WDR18: variants seen among roughly 807,000 people sequenced by gnomAD.
The protein encoded by WDR18 is WD repeat domain 18, also known as WD repeat-containing protein 18.
Under a neutral mutation model 49.6 loss-of-function variants are expected in WDR18, and 33 were observed. That is an observed-to-expected ratio of 0.67 (90% confidence interval 0.50 to 0.89). WDR18 has a LOEUF of 0.89. WDR18 is among the 40% of genes least tolerant of loss of function. WDR18 has a pLI of 0.00. For synonymous variants in WDR18, 315 were observed against 263.6 expected (o/e 1.19, Z -1.89); for missense variants, 653 against 593.6 (o/e 1.10, Z -1.04).
chr19:986,253 G>A (rs1445284482), intron 2 of WDR18, among the ~76,000 whole-genome samples: 3 of 152,208 alleles, frequency 2.0e-5, no homozygotes, highest in South Asian at 4.1e-4. Flanking sequence ...CAGGGCTAGC[G>A]GGCATCTCTT....
chr19:991,334 G>T lies in WDR18; in HGVS notation c.914G>T (p.Arg305Leu). 1.9e-6 allele frequency: 3 copies of T among 1,555,714 alleles called. No individual in the cohort carries two copies. The highest frequency in any genetic ancestry group is 2.6e-6 in the Non-Finnish European group (3 of 1,150,056). ...LWDVQSKQCI[R>L]TVALKGPVTN... Reference sequence around the variant, plus strand: ...GACGTGCAGAGCAAGCAGTGCATCCGGACGGTGGCCCTCAAAGGTGGGCGC... The same window carrying T: ...GACGTGCAGAGCAAGCAGTGCATCCTGACGGTGGCCCTCAAAGGTGGGCGC... The change falls in exon 7 of 10, where the codon CGG becomes CTG. Residue 305 changes from arginine (R) to leucine (L), a missense_variant. By Grantham distance (102) the Arg-to-Leu change is moderately radical. Transcript: ENST00000585809.
Position 994,012 on chromosome 19 carries a change from T to G in WDR18, c.1099-8T>G, listed in dbSNP as rs1383733762. 8 of 1,551,886 alleles carry G rather than the reference T, an allele frequency of 5.2e-6. No homozygotes were observed. The highest frequency in any genetic ancestry group is 1.7e-6 in the Non-Finnish European group (2 of 1,148,334). ...CGCCCCGAGGTCACGTGGCTCCCTGTGTTACAGGGCTCGGAGCCCAGCTAC... is the reference window on the plus strand; with the variant it reads ...CGCCCCGAGGTCACGTGGCTCCCTGGGTTACAGGGCTCGGAGCCCAGCTAC... On this transcript the variant is annotated splice_polypyrimidine_tract_variant and splice_region_variant and intron_variant, in intron 8 of 9. Transcript: ENST00000585809.
upstream of WDR18, chr19:984,299 A>G: frequency 1.4e-6 from 2 of 1,386,686 alleles, no homozygotes; most frequent in African/African-American, 1.5e-5. Flanking sequence ...CGCGTGGGGC[A>G]GTCGTCCGCG....
At chr19:985,742 C>T (rs2038467732) in intron 1 of WDR18, 123 bp from the exon 2 acceptor site, 8 of 840,138 alleles carry the variant, frequency 9.5e-6, no homozygotes, top group Non-Finnish European at 1.5e-5. Flanking sequence ...CACCCTGCTC[C>T]CGACTCCTCT....
chr19:992,848 ACTGT>A (rs1248201343), intron 8 of WDR18, among the ~76,000 whole-genome samples: 4 of 152,126 alleles, frequency 2.6e-5, no homozygotes, highest in Non-Finnish European at 4.4e-5. Context: ...GTCTCACGTC[ACTGT>A]CTGTGTCCCT....
chr19:989,386 G>A (rs988920866), intron 2 of WDR18, among the ~76,000 whole-genome samples: 4 of 152,128 alleles, frequency 2.6e-5, no homozygotes, highest in Non-Finnish European at 5.9e-5. Flanking sequence ...CTGTTGAATG[G>A]TGGGAGCCGC....
chr19:986,026 G>A, intron 2 of WDR18, 51 bp downstream of exon 2: 5 of 1,573,838 alleles, frequency 3.2e-6, no homozygotes, highest in Non-Finnish European at 4.4e-6. Context: ...CAGCCCATCT[G>A]AGCTTTGCCT....
intron 2 of WDR18, among the ~76,000 whole-genome samples, chr19:989,219 G>A (rs1160390760): frequency 8.2e-6 from 1 of 121,552 alleles, no homozygotes; most frequent in Non-Finnish European, 1.7e-5. Context: ...CTCAGCCCTC[G>A]AACCCACAAC....
chr19:986,195 G>A (rs1012223971), intron 2 of WDR18, among the ~76,000 whole-genome samples: 6 of 152,208 alleles, frequency 3.9e-5, no homozygotes, highest in Non-Finnish European at 7.3e-5. Flanking sequence ...TGCTTGGATA[G>A]AGCCCGGTGC....
At position 994,546 on chromosome 19, in the gene WDR18, G is replaced by A. The variant is rs1330203763; in HGVS notation, c.*202G>A. Reference sequence around the variant, plus strand: ...GTGCTAGTCTGTTTTTAACAAAAGAGGATGAAAAGCCCCTCCTCTCCGGCC... The same window carrying A: ...GTGCTAGTCTGTTTTTAACAAAAGAAGATGAAAAGCCCCTCCTCTCCGGCC... On this transcript the variant is annotated 3_prime_UTR_variant, in exon 10 of 10. Transcript: ENST00000585809. 4 of 749,638 alleles carry A rather than the reference G, an allele frequency of 5.3e-6. No homozygotes were observed. In the African/African-American group the frequency reaches 7.1e-5, roughly 13 times the overall value. The allele number at this position is 749,638 out of a possible 1,614,324, so 46.4% of individuals were successfully genotyped here.
At chr19:993,508 G>A (rs541873795) in intron 8 of WDR18, among the ~76,000 whole-genome samples, 11 of 152,352 alleles carry the variant, frequency 7.2e-5, no homozygotes, top group African/African-American at 2.4e-4. Flanking sequence ...ACAGACAGGC[G>A]CTGCTGGGGC....
chr19:993,314 C>T (rs947408696), intron 8 of WDR18, among the ~76,000 whole-genome samples: 1 of 152,250 alleles, frequency 6.6e-6, no homozygotes, highest in African/African-American at 2.4e-5. Flanking sequence ...CCCAGCCAAG[C>T]GCTCTCCCTA....
chr19:990,456 C>T (rs1394691982), intron 4 of WDR18, 92 bp downstream of exon 4: 1 of 1,416,726 alleles, frequency 7.1e-7, no homozygotes, highest in East Asian at 2.7e-5. Context: ...CCTCCCGCTC[C>T]CTGCTGTCAG....
rs889812548 is a variant in WDR18, at chr19:990,439, A to G, written c.597+75A>G. The G allele has an allele frequency of 4.3e-5, 62 of 1,445,424 alleles. No homozygotes were observed. The African/African-American group carries it at 8.7e-4, about 20-fold the overall frequency. The allele number at this position is 1,445,424 out of a possible 1,614,324, so 89.5% of individuals were successfully genotyped here. A position where few individuals can be genotyped will look rare whatever the true frequency, so the allele number is the denominator to read the frequency against. On this transcript the variant is annotated intron_variant, in intron 4 of 9. Coordinates refer to ENST00000585809, the MANE Select transcript of WDR18 (RefSeq NM_024100.4). ...CAGGTCCTCAGCCAGGAATGCAGGA[A>G]TCGCCTCCTCCCGCTCCCTGCTGTC...
Position 994,377 on chromosome 19 carries a change from C to G in WDR18, c.*33C>G. On this transcript the variant is annotated 3_prime_UTR_variant, in exon 10 of 10. Transcript: ENST00000585809. Reference sequence around the variant, plus strand: ...AGACCCCGGCCCGAGGCGCCCAGGCCTGAGCCCCATGCCTCCCAGCAACCA... The same window carrying G: ...AGACCCCGGCCCGAGGCGCCCAGGCGTGAGCCCCATGCCTCCCAGCAACCA... 1.3e-6 allele frequency: 2 copies of G among 1,581,948 alleles called. No homozygotes were observed. Among genetic ancestry groups the G allele is most frequent in the Non-Finnish European group, 1.7e-6 (2 of 1,166,460 alleles).
intron 8 of WDR18, among the ~76,000 whole-genome samples, chr19:993,226 G>T (rs1310514165): frequency 2.0e-5 from 3 of 152,228 alleles, no homozygotes; most frequent in Admixed American, 6.5e-5. Flanking sequence ...GGCCTCCAGC[G>T]GCAGAGCCAG....
In WDR18 at chr19:994,103, G is replaced by A. The variant is rs768445356; in HGVS notation, c.1167+15G>A. The A allele has an allele frequency of 1.1e-5, 17 of 1,551,082 alleles. No homozygotes were observed. Among genetic ancestry groups the A allele is most frequent in the African/African-American group, 1.4e-5 (1 of 73,420 alleles). The stretch of plus-strand genomic sequence containing the variant: ...CCATGGAGAAGGTGGGCGGGGCCTC[G>A]GGAGGGGCGGGGCCTGAGGCTGGGG... On this transcript the variant is annotated intron_variant, in intron 9 of 9. Coordinates refer to ENST00000585809, the MANE Select transcript of WDR18 (RefSeq NM_024100.4).
intron 2 of WDR18, among the ~76,000 whole-genome samples, chr19:987,551 C>T (rs1362446832): frequency 6.6e-6 from 1 of 151,862 alleles, no homozygotes; most frequent in Non-Finnish European, 1.5e-5. Context: ...TGCCTGGGAT[C>T]CCAAGGCTTT....
chr19:990,442 G>T, intron 4 of WDR18, 78 bp downstream of exon 4: 1 of 1,435,372 alleles, frequency 7.0e-7, no homozygotes, highest in African/African-American at 1.5e-5. Flanking sequence ...TGCAGGAATC[G>T]CCTCCTCCCG....
Sources: gnomAD v4.1 joint callset for allele counts (sites outside exome capture counted in the v4.1 genomes callset) on GRCh38, gnomAD v4.1.1 for gene constraint, MANE v1.5 for transcripts, NCBI Gene and HGNC (gene_info 2026-07-23, HGNC 2026-07-21) for gene names.